Variants in GRM1 observed in about 807,000 individuals in gnomAD.
The protein encoded by GRM1 is metabotropic glutamate receptor 1.
GRM1 carries 33 observed loss-of-function variants against 90.9 expected under a neutral mutation model. The observed-to-expected ratio is 0.36, with a 90% confidence interval of 0.28 to 0.49. The LOEUF (loss-of-function observed/expected upper bound fraction) is 0.49, where lower values mean the gene tolerates loss of function less well. GRM1 is among the 20% of genes least tolerant of loss of function. The probability of loss-of-function intolerance (pLI) is 0.99; values close to 1 mark genes in which losing one functional copy is unlikely to be tolerated. For synonymous variants in GRM1, 700 were observed against 613.2 expected, an observed-to-expected ratio of 1.14 and a Z score of -2.09; for missense variants, 1,190 against 1,534.3, an observed-to-expected ratio of 0.78 and a Z score of 3.75.
At chr6:146,257,350 G>A (rs749951411) in intron 2 of GRM1, among the ~76,000 whole-genome samples, 61 of 152,006 alleles carry the variant, frequency 4.0e-4, no homozygotes, top group South Asian at 8.3e-4. Context: ...TTAGCAGGGA[G>A]TCCTGTAGTT....
At chr6:146,348,611 T>C (rs896292507) in intron 3 of GRM1, among the ~76,000 whole-genome samples, 3 of 152,242 alleles carry the variant, frequency 2.0e-5, no homozygotes, top group Non-Finnish European at 4.4e-5. Context: ...AGCTATTACA[T>C]TGCAAATATT....
chr6:146,113,147 A>T (rs539396671), intron 1 of GRM1, among the ~76,000 whole-genome samples: 1 of 152,296 alleles, frequency 6.6e-6, no homozygotes, highest in Non-Finnish European at 1.5e-5. Context: ...AGTGTGATTT[A>T]ATTTAACTTT....
intron 2 of GRM1, among the ~76,000 whole-genome samples, chr6:146,300,431 T>C (rs1315551367): frequency 6.6e-6 from 1 of 152,150 alleles, no homozygotes; most frequent in Admixed American, 6.5e-5. Context: ...ATAGAAGAAA[T>C]CTTCTAACTA....
intron 2 of GRM1, among the ~76,000 whole-genome samples, chr6:146,236,171 A>C (rs1033888884): frequency 6.6e-6 from 1 of 152,152 alleles, no homozygotes. Flanking sequence ...CATGATTTTA[A>C]GTTTTTAGTA....
chr6:146,346,661 G>C (rs1785200912), intron 3 of GRM1, among the ~76,000 whole-genome samples: 1 of 152,104 alleles, frequency 6.6e-6, no homozygotes, highest in South Asian at 2.1e-4. Context: ...TTATCCCTTT[G>C]AGGTCATTAT....
At chr6:146,329,633 CT>C (rs1489532316) in intron 3 of GRM1, among the ~76,000 whole-genome samples, 1 of 152,140 alleles carries the variant, frequency 6.6e-6, no homozygotes, top group Admixed American at 6.5e-5. Flanking sequence ...ACAGATGCTC[CT>C]TGACTTATGA....
chr6:146,397,473 C>CAAAAAAAA lies in GRM1; in HGVS notation c.1730-1293_1730-1286dup, dbSNP rs1195779695. Among the ~76,000 whole-genome samples, 29 of 16,764 alleles carry CAAAAAAAA rather than the reference C, an allele frequency of 1.7e-3. 1 individual carries two copies. The highest frequency in any genetic ancestry group is 5.2e-3 in the African/African-American group (24 of 4,580). 11.0% of individuals were successfully genotyped at this position (16,764 alleles called of 152,430 possible). On this transcript the variant is annotated intron_variant, in intron 6 of 7. Transcript: ENST00000282753. ...TGGGCAACAGAGTGAGACCCCGTCT[C>CAAAAAAAA]AAAAAAAAAAGAAAAAAAAAAAAAA... is the stretch of plus-strand genomic sequence containing the variant.
intron 2 of GRM1, among the ~76,000 whole-genome samples, chr6:146,175,618 A>C (rs142890452): frequency 6.6e-6 from 1 of 152,322 alleles, no homozygotes; most frequent in African/African-American, 2.4e-5. Flanking sequence ...GAATAATACA[A>C]TACACATAAA....
chr6:146,239,649 T>C (rs554661773), intron 2 of GRM1, among the ~76,000 whole-genome samples: 1 of 152,238 alleles, frequency 6.6e-6, no homozygotes, highest in African/African-American at 2.4e-5. Flanking sequence ...AATTTAAAAA[T>C]CTACCAATAT....
At chr6:146,378,286 C>A (rs999800882) in intron 5 of GRM1, among the ~76,000 whole-genome samples, 4 of 152,144 alleles carry the variant, frequency 2.6e-5, no homozygotes, top group Non-Finnish European at 2.9e-5. Context: ...CTCCAGACCC[C>A]AGAATGATAG....
At chr6:146,289,240 G>C (rs1232205440) in intron 2 of GRM1, among the ~76,000 whole-genome samples, 1 of 152,138 alleles carries the variant, frequency 6.6e-6, no homozygotes, top group Non-Finnish European at 1.5e-5. Flanking sequence ...CTTCCAGAGG[G>C]ACAAAATTGG....
At chr6:146,359,624 G>T (rs362843) in intron 5 of GRM1, among the ~76,000 whole-genome samples, 29,903 of 152,100 alleles carry the variant, frequency 0.2, 3,889 homozygotes, top group African/African-American at 0.37. Flanking sequence ...TGACTGCCAG[G>T]TGACCATGAA....
intron 1 of GRM1, among the ~76,000 whole-genome samples, chr6:146,146,181 C>T (rs550787497): frequency 8.5e-6 from 1 of 117,974 alleles, no homozygotes. Flanking sequence ...CTCTGCCTCC[C>T]GGGTTCACGT....
intron 5 of GRM1, among the ~76,000 whole-genome samples, chr6:146,385,307 A>G (rs1776462855): frequency 6.6e-6 from 1 of 152,054 alleles, no homozygotes; most frequent in South Asian, 2.1e-4. Context: ...TATAGGTGAG[A>G]CAAGAAAGAA....
chr6:146,127,618 A>C (rs1342088367), intron 1 of GRM1, among the ~76,000 whole-genome samples: 1 of 152,170 alleles, frequency 6.6e-6, no homozygotes, highest in East Asian at 1.9e-4. Flanking sequence ...TTCTTGAGTG[A>C]GACAACTTTC....
At chr6:146,424,658 G>T (rs1778132141) in intron 7 of GRM1, among the ~76,000 whole-genome samples, 1 of 152,248 alleles carries the variant, frequency 6.6e-6, no homozygotes, top group African/African-American at 2.4e-5. Context: ...CTGTCTGTCT[G>T]TTCTGGTTCC....
intron 1 of GRM1, among the ~76,000 whole-genome samples, chr6:146,121,154 G>T (rs1468432979): frequency 1.3e-5 from 2 of 152,032 alleles, no homozygotes; most frequent in African/African-American, 4.8e-5. Context: ...CTTCTTCCTG[G>T]GTTAGTCTTG....
chr6:146,043,485 A>C (rs1447745829), intron 1 of GRM1, among the ~76,000 whole-genome samples: 3 of 151,928 alleles, frequency 2.0e-5, no homozygotes, highest in Non-Finnish European at 2.9e-5. Context: ...TGTGCTGCTT[A>C]ATGCAACTTG....
chr6:146,176,521 T>A (rs1049939914), intron 2 of GRM1, among the ~76,000 whole-genome samples: 2 of 152,030 alleles, frequency 1.3e-5, no homozygotes, highest in African/African-American at 4.8e-5. Context: ...TTGGTTTTAG[T>A]GTGTTGACTT....
Sources: allele counts gnomAD v4.1 joint callset (sites outside exome capture counted in the v4.1 genomes callset), GRCh38; gene constraint gnomAD v4.1.1; transcripts MANE v1.5; gene names NCBI Gene and HGNC (gene_info 2026-07-23, HGNC 2026-07-21).